The following COL11A2 variants were observed in gnomAD, a reference collection of about 807,000 sequenced individuals.
COL11A2 encodes the protein collagen type XI alpha 2 chain.
Under a neutral mutation model 273.4 loss-of-function variants are expected in COL11A2, and 116 were observed. That is an observed-to-expected ratio of 0.42 (90% CI 0.36 to 0.49). The LOEUF (loss-of-function observed/expected upper bound fraction) is 0.49, where lower values mean the gene tolerates loss of function less well. Ranked by LOEUF, COL11A2 falls within the 20% of genes least tolerant of loss-of-function variation. The probability of loss-of-function intolerance (pLI) is 0.00; values close to 1 mark genes in which losing one functional copy is unlikely to be tolerated. For synonymous variants in COL11A2, 782 were observed against 864.2 expected, an observed-to-expected ratio of 0.90 and a Z score of 1.67; for missense variants, 1,866 against 2,309.0, an observed-to-expected ratio of 0.81 and a Z score of 3.93.
rs1276785460 is a variant in COL11A2, at chr6:33,176,528, T to C, written c.2116-42A>G. 9 of 1,581,282 alleles carry C rather than the reference T, an allele frequency of 5.7e-6. No homozygotes were observed. The highest frequency in any genetic ancestry group is 2.7e-5 in the African/African-American group (2 of 74,036). On this transcript the variant is annotated intron_variant, in intron 26 of 65. Coordinates refer to ENST00000341947, the MANE Select transcript of COL11A2 (RefSeq NM_080680.3). The surrounding 1 kb of genome is among the most constrained non-coding windows in gnomAD (Gnocchi z 4.9). ...AGGCATTTATAAAGGGGCCTCAGAGTGTCACTGTGGGGGCCTCCAGGGGTG... is the reference window on the plus strand; with the variant it reads ...AGGCATTTATAAAGGGGCCTCAGAGCGTCACTGTGGGGGCCTCCAGGGGTG...
chr6:33,186,325 CCCCTCTCCCACTGTCT>C, intron 5 of COL11A2: 9 of 1,255,886 alleles, frequency 7.2e-6, no homozygotes, highest in Non-Finnish European at 9.5e-6. Flanking sequence ...CCAGCTCTCA[CCCCTCTCCCACTGTCT>C]CCCAATCTCT....
In COL11A2 at chr6:33,178,678, C is replaced by A; in HGVS notation, c.1719+1G>T. The A allele has an allele frequency of 6.2e-7, 1 of 1,612,912 alleles. No individual in the cohort carries two copies. Among genetic ancestry groups the A allele is most frequent in the Non-Finnish European group, 8.5e-7 (1 of 1,179,944 alleles). ...CAACACACACCCACTAATGTACTCA[C>A]CCTATGGCCCTTCTCTCCAGGGAGC... On this transcript the variant is annotated splice_donor_variant, in intron 18 of 65. Coordinates refer to ENST00000341947, the MANE Select transcript of COL11A2 (RefSeq NM_080680.3). LOFTEE classifies it high-confidence loss of function. This position sits in a 1 kb window ranked among gnomAD's most constrained non-coding sequence, Gnocchi z 4.6.
chr6:33,169,956 A>ACC lies in COL11A2; in HGVS notation c.3637-73_3637-72insGG, dbSNP rs1234546220. 14 of 1,611,556 alleles carry ACC rather than the reference A, an allele frequency of 8.7e-6. No individual in the cohort carries two copies. The highest frequency in any genetic ancestry group is 1.1e-5 in the Non-Finnish European group (13 of 1,177,970). On this transcript the variant is annotated intron_variant, in intron 49 of 65. Transcript: ENST00000341947. The surrounding 1 kb of genome is among the most constrained non-coding windows in gnomAD (Gnocchi z 5.5). Reference sequence around the variant, plus strand: ...AAAATTCTGATATTCCCCACATCTCATTCTCTTTTGTCTCCCCACCCAAAA... The same window carrying ACC: ...AAAATTCTGATATTCCCCACATCTCACCTTCTCTTTTGTCTCCCCACCCAAAA...
chr6:33,178,096 G>A lies in COL11A2; in HGVS notation c.1872+36C>T. ...AGGTGGAGAGTTGGAGAGGTCAAGG[G>A]GTCACCTCAGGGTCAGAAGTCAGGG... On this transcript the variant is annotated intron_variant, in intron 21 of 65. Transcript: ENST00000341947. The surrounding 1 kb of genome is among the most constrained non-coding windows in gnomAD (Gnocchi z 4.6). The A allele has an allele frequency of 6.3e-7, 1 of 1,594,508 alleles. No homozygotes were observed. The highest frequency in any genetic ancestry group is 8.6e-7 in the Non-Finnish European group (1 of 1,167,398).
chr6:33,179,078 G>T lies in COL11A2; in HGVS notation c.1606C>A (p.Arg536=), dbSNP rs745874653. ...TCCACCCCTGGGGCACTCACCCTTC[G>T]CCCAGCCTTGCCAGGAGGGCCTGTG... The part of the protein sequence containing the change: ...GLTGPPGKAG[R]RGRAGADGAR... The change falls in exon 16 of 66, where the codon CGA becomes AGA. Residue 536 remains arginine (R), a synonymous_variant. Transcript: ENST00000341947. This position sits in a 1 kb window ranked among gnomAD's most constrained non-coding sequence, Gnocchi z 6.4. The T allele has an allele frequency of 6.2e-7, 1 of 1,613,816 alleles. No individual in the cohort carries two copies. The highest frequency in any genetic ancestry group is 1.7e-5 in the Admixed American group (1 of 60,014).
Position 33,165,536 on chromosome 6 carries a change from G to A in COL11A2, c.4750+13C>T. 1 of 1,611,552 alleles carries A rather than the reference G, an allele frequency of 6.2e-7. No homozygotes were observed. The highest frequency in any genetic ancestry group is 8.5e-7 in the Non-Finnish European group (1 of 1,179,998). ...TTGGGGAGATGTTTGTGCACCCTGA[G>A]GCTAGCACTGACCATCGGGAAGCTC... On this transcript the variant is annotated intron_variant, in intron 63 of 65. Coordinates refer to ENST00000341947, the MANE Select transcript of COL11A2 (RefSeq NM_080680.3). This position sits in a 1 kb window ranked among gnomAD's most constrained non-coding sequence, Gnocchi z 7.7.
chr6:33,192,460 TTC>T lies in COL11A2; in HGVS notation c.-222_-221del, dbSNP rs1227868660. ...CTGCTCCCTCCTCGGTGGCTGCCGC[TTC>T]TGTGTGTCCCCGGCCACCCTGGCGC... On this transcript the variant is annotated 5_prime_UTR_variant, in exon 1 of 66. Transcript: ENST00000341947. 2 of 588,544 alleles carry T rather than the reference TTC, an allele frequency of 3.4e-6. No individual in the cohort carries two copies. The highest frequency in any genetic ancestry group is 6.1e-6 in the Non-Finnish European group (2 of 330,350). 36.5% of individuals were successfully genotyped at this position (588,544 alleles called of 1,614,324 possible). A position where few individuals can be genotyped will look rare whatever the true frequency, so the allele number is the denominator to read the frequency against.
chr6:33,187,623 C>G (rs1772596150), intron 4 of COL11A2, among the ~76,000 whole-genome samples: 1 of 151,888 alleles, frequency 6.6e-6, no homozygotes, highest in South Asian at 2.1e-4. Flanking sequence ...GGAGGGTGGA[C>G]TGGTGGGCAG....
rs575558054 is a variant in COL11A2, at chr6:33,170,172, A to G, written c.3583-72T>C. On this transcript the variant is annotated intron_variant, in intron 48 of 65. Transcript: ENST00000341947. The surrounding 1 kb of genome is among the most constrained non-coding windows in gnomAD (Gnocchi z 4.3). The stretch of plus-strand genomic sequence containing the variant: ...CATTTCAGGGGCAAAGTCCCAGATG[A>G]GCAGCCCAAGGTTACAGCAGTGAGG... The G allele has an allele frequency of 5.0e-6, 8 of 1,603,858 alleles. No individual in the cohort carries two copies. The East Asian group carries it at 1.8e-4, about 36-fold the overall frequency.
chr6:33,180,193 T>C, intron 12 of COL11A2, 65 bp downstream of exon 12: 4 of 1,484,580 alleles, frequency 2.7e-6, no homozygotes, highest in African/African-American at 2.8e-5. Flanking sequence ...ATCTGGTTCT[T>C]GGTAACATGA....
chr6:33,187,408 G>T (rs192719162), intron 4 of COL11A2, among the ~76,000 whole-genome samples: 4 of 152,302 alleles, frequency 2.6e-5, no homozygotes, highest in Non-Finnish European at 4.4e-5. Flanking sequence ...GGAGCTCTTG[G>T]GGGTGATAGA....
In COL11A2 at chr6:33,170,162, G is replaced by T; in HGVS notation, c.3583-62C>A. ...ATGGAGGTGCCATTTCAGGGGCAAA[G>T]TCCCAGATGAGCAGCCCAAGGTTAC... On this transcript the variant is annotated intron_variant, in intron 48 of 65. Coordinates refer to ENST00000341947, the MANE Select transcript of COL11A2 (RefSeq NM_080680.3). The surrounding 1 kb of genome is among the most constrained non-coding windows in gnomAD (Gnocchi z 4.3). The T allele has an allele frequency of 6.2e-7, 1 of 1,608,394 alleles. No homozygotes were observed.
Position 33,173,083 on chromosome 6 carries a change from G to A in COL11A2, c.2767C>T (p.Pro923Ser), listed in dbSNP as rs776067623. The change falls in exon 38 of 66, where the codon CCT becomes TCT. Residue 923 changes from proline to serine, a missense_variant. Coordinates refer to ENST00000341947, the MANE Select transcript of COL11A2 (RefSeq NM_080680.3). The surrounding 1 kb of genome is among the most constrained non-coding windows in gnomAD (Gnocchi z 6.3). ...ACCTGAGGTCCCACCACTCCTGGAGGACCAGGGGGGCCGGTCTTCCCTTGG... is the reference window on the plus strand; with the variant it reads ...ACCTGAGGTCCCACCACTCCTGGAGAACCAGGGGGGCCGGTCTTCCCTTGG... The part of the protein sequence containing the change: ...GFQGKTGPPG[P>S]PGVVGPQGAA... The A allele has an allele frequency of 6.2e-7, 1 of 1,612,656 alleles. No homozygotes were observed. The highest frequency in any genetic ancestry group is 2.2e-5 in the East Asian group (1 of 44,864).
Position 33,169,040 on chromosome 6 carries a change from A to G in COL11A2, c.3799-32T>C. The G allele has an allele frequency of 1.3e-6, 2 of 1,590,790 alleles. No homozygotes were observed. On this transcript the variant is annotated intron_variant, in intron 51 of 65. Coordinates refer to ENST00000341947, the MANE Select transcript of COL11A2 (RefSeq NM_080680.3). This position sits in a 1 kb window ranked among gnomAD's most constrained non-coding sequence, Gnocchi z 5.5. ...CAGATGGAGAATAAGAGTCAGGGTC[A>G]CAGCTCCCTAAGCCCACCCAGCACA...
chr6:33,178,072 G>A lies in COL11A2; in HGVS notation c.1872+60C>T. On this transcript the variant is annotated intron_variant, in intron 21 of 65. Coordinates refer to ENST00000341947, the MANE Select transcript of COL11A2 (RefSeq NM_080680.3). This position sits in a 1 kb window ranked among gnomAD's most constrained non-coding sequence, Gnocchi z 4.6. ...GAGGGAGCAGGAAGGCAGCTAGAAA[G>A]GTGGAGAGTTGGAGAGGTCAAGGGG... 2.0e-6 allele frequency: 3 copies of A among 1,518,180 alleles called. No homozygotes were observed. The South Asian group carries it at 3.6e-5, about 18-fold the overall frequency. The allele number at this position is 1,518,180 out of a possible 1,614,324, so 94.0% of individuals were successfully genotyped here.
At chr6:33,174,704 C>A in intron 30 of COL11A2, 124 bp from the exon 31 acceptor site, 2 of 854,268 alleles carry the variant, frequency 2.3e-6, no homozygotes, top group Non-Finnish European at 3.9e-6. Flanking sequence ...CACACCCCAG[C>A]CTCTAGCCCC....
Position 33,170,177 on chromosome 6 carries a change from C to T in COL11A2, c.3583-77G>A. 6.2e-7 allele frequency: 1 copy of T among 1,601,618 alleles called. No individual in the cohort carries two copies. Among genetic ancestry groups the T allele is most frequent in the Non-Finnish European group, 8.5e-7 (1 of 1,169,762 alleles). On this transcript the variant is annotated intron_variant, in intron 48 of 65. Coordinates refer to ENST00000341947, the MANE Select transcript of COL11A2 (RefSeq NM_080680.3). The surrounding 1 kb of genome is among the most constrained non-coding windows in gnomAD (Gnocchi z 4.3). ...CAGGGGCAAAGTCCCAGATGAGCAG[C>T]CCAAGGTTACAGCAGTGAGGCAGTG...
At chr6:33,172,669 A>C (rs757462576) in intron 38 of COL11A2, 32 bp from the exon 39 acceptor site, 7 of 1,573,980 alleles carry the variant, frequency 4.4e-6, no homozygotes. Flanking sequence ...TCCTGCTCTC[A>C]GGCCCTTCAT....
At chr6:33,183,136 C>T (rs1771938100) in intron 8 of COL11A2, among the ~76,000 whole-genome samples, 2 of 152,142 alleles carry the variant, frequency 1.3e-5, no homozygotes, top group African/African-American at 4.8e-5. Flanking sequence ...AGACAGGAAG[C>T]AGTCCCACTG....
Sources: gnomAD v4.1 joint callset for allele counts (sites outside exome capture counted in the v4.1 genomes callset) on GRCh38, gnomAD v4.1.1 for gene constraint, Gnocchi (gnomAD v3.1) non-coding constraint, MANE v1.5 for transcripts, NCBI Gene and HGNC (gene_info 2026-07-23, HGNC 2026-07-21) for gene names.